Variants in PLCE1 observed in about 807,000 individuals in gnomAD.
PLCE1 encodes 1-phosphatidylinositol 4,5-bisphosphate phosphodiesterase epsilon-1.
In PLCE1, 119 loss-of-function variants were observed where a neutral mutation model predicts 242.8. The ratio of observed to expected loss-of-function variants is 0.49; its 90% CI spans 0.42 to 0.57. PLCE1 has a LOEUF of 0.57. Among genes scored for constraint, PLCE1 ranks in the 20% least tolerant of loss-of-function variants. The pLI is 0.00. For missense variants in PLCE1, 2,441 were observed against 2,788.8 expected (o/e 0.88, Z 2.81); for synonymous variants, 945 against 1,017.4 (o/e 0.93, Z 1.35).
chr10:93,994,090 T>A lies in PLCE1; in HGVS notation c.-533T>A, dbSNP rs1460692141. Among the ~76,000 whole-genome samples, 1 of 146,018 alleles carries A rather than the reference T, an allele frequency of 6.8e-6. No homozygotes were observed. The highest frequency in any genetic ancestry group is 2.0e-4 in the East Asian group (1 of 4,978). ...ACCTCCCGGGCTCTGCCTCCCGGGC[T>A]CTGCCTCTCGGGCACTTGCCTGGCT... is the stretch of plus-strand genomic sequence containing the variant. On this transcript the variant is annotated 5_prime_UTR_variant, in exon 1 of 33. Coordinates refer to ENST00000371380, the MANE Select transcript of PLCE1 (RefSeq NM_016341.4).
chr10:94,264,662 C>T (rs1011498852), intron 14 of PLCE1, among the ~76,000 whole-genome samples: 1 of 151,780 alleles, frequency 6.6e-6, no homozygotes, highest in African/African-American at 2.4e-5. Flanking sequence ...GCTGGGATTA[C>T]AGGCACACAG....
In PLCE1 at chr10:94,332,138, G is replaced by C. The variant is rs1057456984; in HGVS notation, c.*4195G>C. 6.6e-6 allele frequency: 1 copy of C among 152,202 alleles called. No individual in the cohort carries two copies. Among genetic ancestry groups the C allele is most frequent in the African/African-American group, 2.4e-5 (1 of 41,402 alleles). The allele number at this position is 152,202 out of a possible 1,614,324, so 9.4% of individuals were successfully genotyped here. A position where few individuals can be genotyped will look rare whatever the true frequency, so the allele number is the denominator to read the frequency against. ...CCCGCCTCAGCCTCCCAAAGTGCTG[G>C]GATTACAGGCGTGAGCCACCACACC... is the stretch of plus-strand genomic sequence containing the variant. On this transcript the variant is annotated 3_prime_UTR_variant, in exon 33 of 33. Coordinates refer to ENST00000371380, the MANE Select transcript of PLCE1 (RefSeq NM_016341.4).
chr10:94,286,743 T>C (rs547615171), intron 22 of PLCE1: 1 of 152,256 alleles, frequency 6.6e-6, no homozygotes, highest in Admixed American at 6.5e-5. Context: ...GCCATTTAAG[T>C]TTAATTTCAC....
intron 1 of PLCE1, among the ~76,000 whole-genome samples, chr10:94,026,700 G>T (rs1376526642): frequency 6.6e-6 from 1 of 152,106 alleles, no homozygotes; most frequent in Non-Finnish European, 1.5e-5. Flanking sequence ...TTATAGATGT[G>T]GAAAGTATAT....
In PLCE1 at chr10:94,224,058, A is replaced by G. The variant is rs186870666; in HGVS notation, c.1810-3248A>G. Among the ~76,000 whole-genome samples the G allele has an allele frequency of 2.8e-3, 426 of 152,094 alleles. 1 individual carries two copies. The highest frequency in any genetic ancestry group is 8.5e-3 in the African/African-American group (353 of 41,496). ...AATTATGAATACATCAGACCATAAT[A>G]AGAATTGTCCGTGAGGCTTGTAAAC... On this transcript the variant is annotated intron_variant, in intron 4 of 32. Coordinates refer to ENST00000371380, the MANE Select transcript of PLCE1 (RefSeq NM_016341.4).
At position 94,041,050 on chromosome 10, in the gene PLCE1, C is replaced by T. The variant is rs2061757128; in HGVS notation, c.1206+8798C>T. 1.3e-5 allele frequency among the ~76,000 whole-genome samples: 2 copies of T among 151,980 alleles called. 1 individual carries two copies. Among genetic ancestry groups the T allele is most frequent in the South Asian group, 4.2e-4 (2 of 4,810 alleles). On this transcript the variant is annotated intron_variant, in intron 2 of 32. Coordinates refer to ENST00000371380, the MANE Select transcript of PLCE1 (RefSeq NM_016341.4). ...TCTTGTCCTTTACATGAAACCTTTG[C>T]CTATCCTTGGCTTAGAACATCCCTC...
At chr10:94,003,572 T>C (rs2060973517) in intron 1 of PLCE1, among the ~76,000 whole-genome samples, 1 of 141,032 alleles carries the variant, frequency 7.1e-6, no homozygotes, top group South Asian at 2.5e-4. Context: ...AGCTGTACTT[T>C]AGCCATGGTC....
At chr10:94,128,378 T>C (rs2046496731) in intron 2 of PLCE1, among the ~76,000 whole-genome samples, 1 of 152,188 alleles carries the variant, frequency 6.6e-6, no homozygotes, top group African/African-American at 2.4e-5. Context: ...CACCTTGAGT[T>C]TCTCTCATCC....
At chr10:94,213,188 C>T (rs1457996235) in intron 4 of PLCE1, among the ~76,000 whole-genome samples, 2 of 152,206 alleles carry the variant, frequency 1.3e-5, no homozygotes, top group Admixed American at 6.5e-5. Context: ...ACACATCCAG[C>T]ATTTTTATCC....
intron 3 of PLCE1, among the ~76,000 whole-genome samples, chr10:94,135,314 T>C (rs1045456321): frequency 3.3e-5 from 5 of 152,202 alleles, no homozygotes; most frequent in African/African-American, 1.2e-4. Flanking sequence ...AAAGAGTGTT[T>C]ACAGAATCTG....
chr10:94,188,708 C>T (rs1488277195), intron 4 of PLCE1, among the ~76,000 whole-genome samples: 1 of 152,188 alleles, frequency 6.6e-6, no homozygotes, highest in African/African-American at 2.4e-5. Flanking sequence ...TGGGTTCAAA[C>T]AGTTCTCCTG....
chr10:94,235,204 T>C (rs1335125924), intron 6 of PLCE1, among the ~76,000 whole-genome samples: 1 of 151,970 alleles, frequency 6.6e-6, no homozygotes, highest in Non-Finnish European at 1.5e-5. Flanking sequence ...TCAGAAAGAC[T>C]TAAGAGCTCC....
intron 2 of PLCE1, among the ~76,000 whole-genome samples, chr10:94,077,058 A>T (rs1211291492): frequency 2.0e-5 from 3 of 152,232 alleles, no homozygotes; most frequent in Non-Finnish European, 4.4e-5. Context: ...TTTCTATAAC[A>T]TAAACAATTA....
chr10:94,254,133 A>C (rs1394805233), intron 9 of PLCE1, 57 bp from the exon 10 acceptor site: 2 of 1,260,542 alleles, frequency 1.6e-6, no homozygotes, highest in East Asian at 2.3e-5. Context: ...ACCTGAACTA[A>C]AGCAGTGATG....
In PLCE1 at chr10:94,305,721, C is replaced by T. The variant is rs537030269; in HGVS notation, c.5623-706C>T. ...TAGTTCCTAACACGTCTGTGACTTG[C>T]TCCAAAATGAAACTATTCAAGAAAA... On this transcript the variant is annotated intron_variant, in intron 25 of 32. Coordinates refer to ENST00000371380, the MANE Select transcript of PLCE1 (RefSeq NM_016341.4). 1.2e-4 allele frequency among the ~76,000 whole-genome samples: 18 copies of T among 152,294 alleles called. No homozygotes were observed. In the South Asian group the frequency reaches 3.5e-3, roughly 30 times the overall value.
chr10:94,145,550 A>G (rs1293225726), intron 3 of PLCE1, among the ~76,000 whole-genome samples: 2 of 152,170 alleles, frequency 1.3e-5, no homozygotes. Flanking sequence ...GGAATCTTGC[A>G]TTAAAATGTT....
chr10:94,131,873 C>T (rs2046608451), intron 2 of PLCE1, among the ~76,000 whole-genome samples: 1 of 152,200 alleles, frequency 6.6e-6, no homozygotes, highest in Non-Finnish European at 1.5e-5. Context: ...TGCAGAAGAG[C>T]TTTGCTCTGC....
intron 3 of PLCE1, chr10:94,138,337 C>T: frequency 2.6e-6 from 1 of 384,416 alleles, no homozygotes; most frequent in Non-Finnish European, 5.1e-6. Flanking sequence ...CAGACTGGGT[C>T]ATGACTGTGT....
At chr10:94,006,331 C>T (rs1206599679) in intron 1 of PLCE1, among the ~76,000 whole-genome samples, 2 of 152,176 alleles carry the variant, frequency 1.3e-5, no homozygotes, top group Non-Finnish European at 1.5e-5. Flanking sequence ...ATGTGAAAGA[C>T]GTTCAGTGCA....
Sources: allele counts gnomAD v4.1 joint callset (sites outside exome capture counted in the v4.1 genomes callset), GRCh38; gene constraint gnomAD v4.1.1; transcripts MANE v1.5; gene names NCBI Gene and HGNC (gene_info 2026-07-23, HGNC 2026-07-21).